The following RAB21 variants were observed in gnomAD, a reference collection of about 807,000 sequenced individuals.
The protein encoded by RAB21 is ras-related protein Rab-21.
RAB21 carries 13 observed loss-of-function variants against 33.1 expected under a neutral mutation model. The ratio of observed to expected loss-of-function variants is 0.39; its 90% CI spans 0.26 to 0.62. The LOEUF is 0.62. Ranked by LOEUF, RAB21 falls within the 20% of genes least tolerant of loss-of-function variation. RAB21 has a pLI of 0.48. For missense variants in RAB21, 234 were observed against 279.1 expected (o/e 0.84, Z 1.15); for synonymous variants, 91 against 103.7 (o/e 0.88, Z 0.74).
At chr12:71,766,508 G>A (rs987262803) in intron 1 of RAB21, among the ~76,000 whole-genome samples, 1 of 152,096 alleles carries the variant, frequency 6.6e-6, no homozygotes, top group East Asian at 1.9e-4. Flanking sequence ...TAATATTTGA[G>A]AAGCTCTTAG....
At chr12:71,761,182 GGTGACAGA>G (rs920375695) in intron 1 of RAB21, among the ~76,000 whole-genome samples, 1 of 151,990 alleles carries the variant, frequency 6.6e-6, no homozygotes, top group African/African-American at 2.4e-5. Context: ...ACTCCAGCTG[GGTGACAGA>G]GTGAGACCCT....
rs1394685731 is a variant in RAB21 at position 71,755,088 on chromosome 12, G to A, written c.-42G>A. 9.3e-7 allele frequency: 1 copy of A among 1,073,346 alleles called. No homozygotes were observed. The highest frequency in any genetic ancestry group is 7.1e-5 in the East Asian group (1 of 14,066). The allele number at this position is 1,073,346 out of a possible 1,614,324, so 66.5% of individuals were successfully genotyped here. ...AAGGCGCTGCCGCGGCTGTCGGGAG[G>A]GCGGCGCGACACTCGGGCTCGGGCG... On this transcript the variant is annotated 5_prime_UTR_variant, in exon 1 of 7. Transcript: ENST00000261263.
intron 3 of RAB21, among the ~76,000 whole-genome samples, chr12:71,773,740 A>C (rs939860820): frequency 1.2e-4 from 18 of 152,126 alleles, no homozygotes; most frequent in African/African-American, 4.3e-4. Flanking sequence ...TTATAATTAG[A>C]GTTGCTTCTG....
rs1021609455 is a variant in RAB21 at position 71,787,703 on chromosome 12, C to T, written c.*2030C>T. On this transcript the variant is annotated 3_prime_UTR_variant, in exon 7 of 7. Transcript: ENST00000261263. ...TAATTATTGTCCTTGCTAAACTCAA[C>T]ACAGACTTTTCTGTTATGTGTTTTT... 7 of 152,190 alleles carry T rather than the reference C, an allele frequency of 4.6e-5. No homozygotes were observed. Among genetic ancestry groups the T allele is most frequent in the Admixed American group, 4.6e-4 (7 of 15,284 alleles). 9.4% of individuals were successfully genotyped at this position (152,190 alleles called of 1,614,324 possible).
rs1883412374 is a variant in RAB21, at chr12:71,793,174, TTTTTTTTA to T, written c.*7502_*7509del. On this transcript the variant is annotated 3_prime_UTR_variant, in exon 7 of 7. Transcript: ENST00000261263. ...TTGGTTTGGTTTGGTTTTGCGGTGA[TTTTTTTTA>T]ACCTAGAAAAAATACAATTTAAAAA... 8 of 152,162 alleles carry T rather than the reference TTTTTTTTA, an allele frequency of 5.3e-5. No individual in the cohort carries two copies. In the South Asian group the frequency reaches 1.7e-3, roughly 32 times the overall value. 9.4% of individuals were successfully genotyped at this position (152,162 alleles called of 1,614,324 possible). A position where few individuals can be genotyped will look rare whatever the true frequency, so the allele number is the denominator to read the frequency against.
chr12:71,783,532 T>G (rs1184538459), intron 6 of RAB21, among the ~76,000 whole-genome samples: 1 of 152,004 alleles, frequency 6.6e-6, no homozygotes, highest in African/African-American at 2.4e-5. Flanking sequence ...TCTTCTAAAA[T>G]ATTGATTATG....
At position 71,782,723 on chromosome 12, in the gene RAB21, A is replaced by G. The variant is rs187621754; in HGVS notation, c.535+65A>G. 1.4e-4 allele frequency: 164 copies of G among 1,133,338 alleles called. No homozygotes were observed. The African/African-American group carries it at 1.8e-3, about 12-fold the overall frequency. 70.2% of individuals were successfully genotyped at this position (1,133,338 alleles called of 1,614,324 possible). ...TGGTTTTTATTTTTTAAAAAATAGT[A>G]TGTATTTTACACCAGTGTTACTTTT... On this transcript the variant is annotated intron_variant, in intron 6 of 6. Coordinates refer to ENST00000261263, the MANE Select transcript of RAB21 (RefSeq NM_014999.4).
In RAB21 at chr12:71,793,687, C is replaced by T. The variant is rs1436292949; in HGVS notation, c.*8014C>T. 3 of 152,160 alleles carry T rather than the reference C, an allele frequency of 2.0e-5. No individual in the cohort carries two copies. Among genetic ancestry groups the T allele is most frequent in the Non-Finnish European group, 4.4e-5 (3 of 68,032 alleles). The allele number at this position is 152,160 out of a possible 1,614,324, so 9.4% of individuals were successfully genotyped here. ...GGATGTGAGAGGAGTAATTCATCCCCATCAAAAGATTTTAGCCAAAAGTAG... is the reference window on the plus strand; with the variant it reads ...GGATGTGAGAGGAGTAATTCATCCCTATCAAAAGATTTTAGCCAAAAGTAG... On this transcript the variant is annotated 3_prime_UTR_variant, in exon 7 of 7. Coordinates refer to ENST00000261263, the MANE Select transcript of RAB21 (RefSeq NM_014999.4).
At chr12:71,775,952 G>C (rs1477889230) in intron 4 of RAB21, among the ~76,000 whole-genome samples, 2 of 152,170 alleles carry the variant, frequency 1.3e-5, no homozygotes, top group Non-Finnish European at 2.9e-5. Flanking sequence ...GATTTCCCCT[G>C]CGTTTTGGTC....
intron 4 of RAB21, among the ~76,000 whole-genome samples, chr12:71,777,854 T>A (rs1883144287): frequency 6.6e-6 from 1 of 152,222 alleles, no homozygotes; most frequent in South Asian, 2.1e-4. Flanking sequence ...TGAGCTAGTA[T>A]GTTCTTATAG....
Position 71,791,904 on chromosome 12 carries a change from G to A in RAB21, c.*6231G>A, listed in dbSNP as rs75324784. ...TTTTGAGACAGGGTCTTGCTTTGCC[G>A]CACAGACTAGAATGCAGTAGCATGA... On this transcript the variant is annotated 3_prime_UTR_variant, in exon 7 of 7. Coordinates refer to ENST00000261263, the MANE Select transcript of RAB21 (RefSeq NM_014999.4). 8,631 of 152,078 alleles carry A rather than the reference G, an allele frequency of 0.057. 331 individuals are homozygous for A. The highest frequency in any genetic ancestry group is 0.086 in the Non-Finnish European group (5,821 of 67,990). The allele number at this position is 152,078 out of a possible 1,614,324, so 9.4% of individuals were successfully genotyped here.
At chr12:71,772,782 T>TAA (rs1196637807) in intron 3 of RAB21, among the ~76,000 whole-genome samples, 1 of 152,196 alleles carries the variant, frequency 6.6e-6, no homozygotes. Flanking sequence ...TTTGTACATA[T>TAA]ATGTGAATGA....
At chr12:71,776,708 C>T (rs1205026390) in intron 4 of RAB21, among the ~76,000 whole-genome samples, 1 of 148,770 alleles carries the variant, frequency 6.7e-6, no homozygotes, top group African/African-American at 2.5e-5. Context: ...TCCAGTCTCC[C>T]GTTTAAAAAA....
At chr12:71,756,111 G>T (rs1319902870) in intron 1 of RAB21, among the ~76,000 whole-genome samples, 1 of 152,194 alleles carries the variant, frequency 6.6e-6, no homozygotes, top group African/African-American at 2.4e-5. Context: ...GTTATTAGGA[G>T]AAATTTATCC....
intron 4 of RAB21, among the ~76,000 whole-genome samples, chr12:71,779,045 T>C (rs1024934819): frequency 6.6e-6 from 1 of 152,260 alleles, no homozygotes; most frequent in African/African-American, 2.4e-5. Flanking sequence ...CTGTTCCTTA[T>C]TGAGCATATA....
intron 1 of RAB21, among the ~76,000 whole-genome samples, chr12:71,767,582 C>A (rs964764617): frequency 7.9e-5 from 12 of 151,816 alleles, no homozygotes; most frequent in Admixed American, 6.6e-4. Context: ...TAAGGTGAAC[C>A]AGAGGTATTT....
intron 6 of RAB21, among the ~76,000 whole-genome samples, chr12:71,783,130 C>A (rs991013702): frequency 6.6e-6 from 1 of 151,844 alleles, no homozygotes; most frequent in Admixed American, 6.6e-5. Flanking sequence ...GAGTTCTTAT[C>A]TTTTAAAGAC....
intron 3 of RAB21, among the ~76,000 whole-genome samples, chr12:71,771,932 C>T (rs144039253): frequency 0.011 from 1,675 of 151,082 alleles, 33 homozygotes; most frequent in African/African-American, 0.039. Flanking sequence ...GCCTAGATCG[C>T]GCCACTGGAC....
intron 1 of RAB21, among the ~76,000 whole-genome samples, chr12:71,758,661 G>A (rs968120988): frequency 2.7e-5 from 4 of 149,786 alleles, no homozygotes; most frequent in Admixed American, 6.6e-5. Context: ...TTTTTTTTTG[G>A]TAGAGTTGAG....
Sources: gnomAD v4.1 joint callset for allele counts (sites outside exome capture counted in the v4.1 genomes callset) on GRCh38, gnomAD v4.1.1 for gene constraint, MANE v1.5 for transcripts, NCBI Gene and HGNC (gene_info 2026-07-23, HGNC 2026-07-21) for gene names.